Variants in DSN1 observed in about 807,000 individuals in gnomAD.
DSN1 encodes the protein DSN1 component of MIS12 kinetochore complex.
A neutral mutation model predicts 45.7 loss-of-function variants in DSN1; 31 were observed. That is an observed-to-expected ratio of 0.68 (90% CI 0.51 to 0.92). The LOEUF (loss-of-function observed/expected upper bound fraction) is 0.92. DSN1 is among the 40% of genes least tolerant of loss of function. The pLI is 0.00. For synonymous variants in DSN1, 134 were observed against 142.3 expected (o/e 0.94, Z 0.41); for missense variants, 394 against 414.2 (o/e 0.95, Z 0.42).
chr20:36,758,239 G>A (rs941332628), intron 7 of DSN1, 78 bp from the exon 8 acceptor site: 1 of 1,339,562 alleles, frequency 7.5e-7, no homozygotes, highest in Non-Finnish European at 1.1e-6. Flanking sequence ...ATAAGTATGT[G>A]AGGTGTACAA....
chr20:36,755,032 T>G (rs1382252447), intron 9 of DSN1, among the ~76,000 whole-genome samples, 182 bp from the exon 10 acceptor site: 1 of 152,226 alleles, frequency 6.6e-6, no homozygotes, highest in East Asian at 1.9e-4. Context: ...CAGGCTGCTC[T>G]ATGCTCCAGG....
In DSN1 at chr20:36,754,758, C is replaced by T. The variant is rs1222310869; in HGVS notation, c.961+5G>A. 4 of 1,613,408 alleles carry T rather than the reference C, an allele frequency of 2.5e-6. No homozygotes were observed. The highest frequency in any genetic ancestry group is 3.4e-6 in the Non-Finnish European group (4 of 1,179,598). ...AACTCTGGTCCCCTCAAGAGACAAG[C>T]TTACCGAGCTGTACTGACACCTTCT... On this transcript the variant is annotated splice_donor_5th_base_variant and intron_variant, in intron 10 of 10. Coordinates refer to ENST00000373750, the MANE Select transcript of DSN1 (RefSeq NM_001145315.2).
In DSN1 at chr20:36,772,011, G is replaced by T. The variant is rs555398710; in HGVS notation, c.-15-538C>A. Among the ~76,000 whole-genome samples, 3 of 152,270 alleles carry T rather than the reference G, an allele frequency of 2.0e-5. 1 individual carries two copies. Among genetic ancestry groups the T allele is most frequent in the East Asian group, 1.9e-4 (1 of 5,180 alleles). On this transcript the variant is annotated intron_variant, in intron 1 of 10. Transcript: ENST00000373750. ...TTCTCCTGCCTCAGCCTCCTGAGTA[G>T]CTGGGATTACAGGAATGCACCACCA...
At chr20:36,757,642 G>C (rs2148261389) in intron 8 of DSN1, among the ~76,000 whole-genome samples, 1 of 152,224 alleles carries the variant, frequency 6.6e-6, no homozygotes, top group African/African-American at 2.4e-5. Flanking sequence ...AAGACCCAAA[G>C]ATCCTCTCTT....
chr20:36,771,413 T>A lies in DSN1; in HGVS notation c.34+12A>T. The A allele has an allele frequency of 6.2e-7, 1 of 1,613,126 alleles. No individual in the cohort carries two copies. The stretch of plus-strand genomic sequence containing the variant: ...CAAGGTAAGAGGTACTGAATTTCAC[T>A]ACAATACTTACCATCTATGATCTCT... On this transcript the variant is annotated intron_variant, in intron 2 of 10. Coordinates refer to ENST00000373750, the MANE Select transcript of DSN1 (RefSeq NM_001145315.2).
At chr20:36,763,501 G>A (rs1987130434) in intron 5 of DSN1, among the ~76,000 whole-genome samples, 3 of 150,982 alleles carry the variant, frequency 2.0e-5, no homozygotes, top group South Asian at 4.2e-4. Context: ...GGGCATAGCC[G>A]GGCATAGTGC....
intron 3 of DSN1, among the ~76,000 whole-genome samples, chr20:36,770,221 C>A (rs989966440): frequency 6.6e-6 from 1 of 152,074 alleles, no homozygotes; most frequent in African/African-American, 2.4e-5. Context: ...TACGTGCCAC[C>A]ATGCCCTGCT....
chr20:36,758,210 T>G, intron 7 of DSN1, 49 bp from the exon 8 acceptor site: 2 of 1,516,510 alleles, frequency 1.3e-6, no homozygotes, highest in Non-Finnish European at 1.8e-6. Context: ...AATCTTATTC[T>G]GAATCACTCA....
chr20:36,762,698 T>C (rs773941086), intron 5 of DSN1, 150 bp from the exon 6 acceptor site: 4 of 572,456 alleles, frequency 7.0e-6, no homozygotes, highest in East Asian at 6.3e-5. Context: ...GTTAAGTATG[T>C]AGAAAGATTT....
intron 6 of DSN1, among the ~76,000 whole-genome samples, chr20:36,760,825 G>A (rs534478086): frequency 2.6e-5 from 4 of 152,300 alleles, no homozygotes; most frequent in African/African-American, 9.6e-5. Context: ...GGGAGGCAGA[G>A]GTTGCAGTGA....
At chr20:36,771,381 C>CTGAA in intron 2 of DSN1, 44 bp downstream of exon 2, 1 of 1,600,428 alleles carries the variant, frequency 6.2e-7, no homozygotes, top group South Asian at 1.1e-5. Flanking sequence ...GCTCAGAAGC[C>CTGAA]TGAACCCAAG....
At chr20:36,771,243 C>T (rs774170529) in intron 2 of DSN1, 50 bp from the exon 3 acceptor site, 13 of 1,553,360 alleles carry the variant, frequency 8.4e-6, no homozygotes, top group Non-Finnish European at 1.0e-5. Context: ...CCCGCCACAA[C>T]TATTTGTGCA....
chr20:36,756,309 G>A (rs1283629625), intron 8 of DSN1, among the ~76,000 whole-genome samples: 2 of 152,084 alleles, frequency 1.3e-5, no homozygotes, highest in Non-Finnish European at 2.9e-5. Flanking sequence ...CAATTGTCTA[G>A]TATTCATGTC....
chr20:36,761,466 G>T (rs1986977007), intron 6 of DSN1, among the ~76,000 whole-genome samples: 1 of 152,170 alleles, frequency 6.6e-6, no homozygotes, highest in African/African-American at 2.4e-5. Flanking sequence ...GGGTGTGGGG[G>T]CTCATGGCTG....
At chr20:36,773,513 C>T in intron 1 of DSN1, 149 bp downstream of exon 1, 1 of 985,810 alleles carries the variant, frequency 1.0e-6, no homozygotes, top group Non-Finnish European at 1.2e-6. Flanking sequence ...TCGGGGACCC[C>T]CAGTGTCCAC....
intron 6 of DSN1, 72 bp from the exon 7 acceptor site, chr20:36,758,689 A>G: frequency 7.1e-7 from 1 of 1,409,712 alleles, no homozygotes; most frequent in Non-Finnish European, 9.7e-7. Context: ...CTTATAAATT[A>G]GTTATTTATT....
chr20:36,758,690 G>T lies in DSN1; in HGVS notation c.591-73C>A, dbSNP rs147559099. On this transcript the variant is annotated intron_variant, in intron 6 of 10. Coordinates refer to ENST00000373750, the MANE Select transcript of DSN1 (RefSeq NM_001145315.2). ...CTTTAATATAATCGCTTATAAATTAGTTATTTATTTATTTCAGACGGAGTT... is the reference window on the plus strand; with the variant it reads ...CTTTAATATAATCGCTTATAAATTATTTATTTATTTATTTCAGACGGAGTT... 3.9e-4 allele frequency: 545 copies of T among 1,389,470 alleles called. 4 individuals carry two copies. The African/African-American group carries it at 4.8e-3, about 12-fold the overall frequency. The allele number at this position is 1,389,470 out of a possible 1,614,324, so 86.1% of individuals were successfully genotyped here.
intron 6 of DSN1, among the ~76,000 whole-genome samples, chr20:36,760,627 C>A (rs2148266960): frequency 6.6e-6 from 1 of 152,286 alleles, no homozygotes; most frequent in Middle Eastern, 3.4e-3. Context: ...GTGGTTCACG[C>A]CTCTAATCCT....
At chr20:36,764,208 G>A (rs991060542) in intron 5 of DSN1, among the ~76,000 whole-genome samples, 9 of 150,448 alleles carry the variant, frequency 6.0e-5, no homozygotes, top group Non-Finnish European at 4.4e-5. Context: ...GCAACAGAGC[G>A]AGATCCTGTC....
Sources: gnomAD v4.1 joint callset for allele counts (sites outside exome capture counted in the v4.1 genomes callset) on GRCh38, gnomAD v4.1.1 for gene constraint, MANE v1.5 for transcripts, NCBI Gene and HGNC (gene_info 2026-07-23, HGNC 2026-07-21) for gene names.